The following GNAO1 variants were observed in gnomAD, a reference collection of about 807,000 sequenced individuals.
The protein encoded by GNAO1 is G protein subunit alpha o1, also known as guanine nucleotide-binding protein G(o) subunit alpha.
For missense variants in GNAO1, 166 were observed against 478.7 expected, an observed-to-expected ratio of 0.35 and a Z score of 6.10; for synonymous variants, 164 against 180.7, an observed-to-expected ratio of 0.91 and a Z score of 0.74.
chr16:56,338,221 G>A (rs1002713979), intron 6 of GNAO1, among the ~76,000 whole-genome samples: 4 of 152,278 alleles, frequency 2.6e-5, no homozygotes, highest in South Asian at 4.1e-4. Flanking sequence ...CCCGTTCCGT[G>A]TACAGGCTTA....
chr16:56,219,044 C>A (rs1243458117), intron 2 of GNAO1, among the ~76,000 whole-genome samples: 1 of 152,178 alleles, frequency 6.6e-6, no homozygotes, highest in Non-Finnish European at 1.5e-5. Flanking sequence ...ACACCCACCC[C>A]CCAACCCAGC....
At chr16:56,256,718 CTGTGTGTGTGTG>C (rs199786327) in intron 2 of GNAO1, among the ~76,000 whole-genome samples, 2,053 of 72,212 alleles carry the variant, frequency 0.028, 46 homozygotes, top group East Asian at 0.14. Flanking sequence ...CTCTCTCTCT[CTGTGTGTGTGTG>C]TGTGTGTGTG....
intron 3 of GNAO1, among the ~76,000 whole-genome samples, chr16:56,320,495 A>G (rs1650426312): frequency 6.6e-6 from 1 of 152,242 alleles, no homozygotes; most frequent in African/African-American, 2.4e-5. Flanking sequence ...CTAAAGCTGG[A>G]GCTCAGGTCT....
intron 3 of GNAO1, among the ~76,000 whole-genome samples, chr16:56,281,903 T>C (rs1350757332): frequency 1.2e-4 from 19 of 152,262 alleles, no homozygotes; most frequent in African/African-American, 4.1e-4. Context: ...CACATGTGTC[T>C]ATATAAACAT....
intron 2 of GNAO1, among the ~76,000 whole-genome samples, chr16:56,258,340 T>C (rs2036871713): frequency 1.3e-5 from 2 of 152,230 alleles, no homozygotes; most frequent in Non-Finnish European, 2.9e-5. Context: ...TGAGGATAAC[T>C]GGGTTATTCA....
rs2037952161 is a variant in GNAO1 at position 56,354,666 on chromosome 16, A to C, written c.878-200A>C. On this transcript the variant is annotated intron_variant, in intron 7 of 8. Coordinates refer to ENST00000262493, the MANE Select transcript of GNAO1 (RefSeq NM_020988.3). This position sits in a 1 kb window ranked among gnomAD's most constrained non-coding sequence, Gnocchi z 4.3. Reference sequence around the variant, plus strand: ...ACTCCAGCCTGGGCAATAAGAGCAAAACTCTGTCTCAAAAAAATAGTTCTT... The same window carrying C: ...ACTCCAGCCTGGGCAATAAGAGCAACACTCTGTCTCAAAAAAATAGTTCTT... Among the ~76,000 whole-genome samples, 1 of 152,152 alleles carries C rather than the reference A, an allele frequency of 6.6e-6. No homozygotes were observed. The highest frequency in any genetic ancestry group is 1.5e-5 in the Non-Finnish European group (1 of 68,028).
At chr16:56,320,375 C>T (rs2037558706) in intron 3 of GNAO1, among the ~76,000 whole-genome samples, 1 of 152,188 alleles carries the variant, frequency 6.6e-6, no homozygotes, top group South Asian at 2.1e-4. Flanking sequence ...AAGTGCCCTC[C>T]GTTTGCTCAC....
At chr16:56,298,671 A>C (rs2037311346) in intron 3 of GNAO1, among the ~76,000 whole-genome samples, 1 of 152,202 alleles carries the variant, frequency 6.6e-6, no homozygotes, top group East Asian at 1.9e-4. Context: ...CCAGCACTTT[A>C]GGAGGCCGAA....
intron 2 of GNAO1, among the ~76,000 whole-genome samples, chr16:56,254,941 C>T (rs1271760765): frequency 2.0e-5 from 3 of 152,164 alleles, no homozygotes; most frequent in Non-Finnish European, 4.4e-5. Flanking sequence ...AACTGTTCCT[C>T]CCTCCAAGAT....
intron 3 of GNAO1, among the ~76,000 whole-genome samples, chr16:56,319,944 G>A (rs553732179): frequency 6.6e-6 from 1 of 152,256 alleles, no homozygotes; most frequent in Admixed American, 6.5e-5. Flanking sequence ...CCCCAAAAGT[G>A]CCTCATCTCC....
intron 2 of GNAO1, among the ~76,000 whole-genome samples, chr16:56,226,979 C>T (rs2036537907): frequency 2.0e-5 from 3 of 152,226 alleles, no homozygotes; most frequent in Middle Eastern, 3.4e-3. Flanking sequence ...GCCTTTATAC[C>T]GGAGAAGTAA....
chr16:56,213,818 A>G (rs570509270), intron 2 of GNAO1, among the ~76,000 whole-genome samples: 3 of 150,188 alleles, frequency 2.0e-5, no homozygotes, highest in African/African-American at 7.5e-5. Context: ...AAGGAGGTTT[A>G]TATGTCTGGA....
At chr16:56,230,838 A>T (rs994847127) in intron 2 of GNAO1, among the ~76,000 whole-genome samples, 3 of 152,206 alleles carry the variant, frequency 2.0e-5, no homozygotes, top group Non-Finnish European at 4.4e-5. Flanking sequence ...GAAAAGGCTC[A>T]TAGAGACCAT....
intron 3 of GNAO1, among the ~76,000 whole-genome samples, chr16:56,313,970 TTC>T (rs111717400): frequency 0.16 from 24,426 of 152,080 alleles, 2,467 homozygotes; most frequent in African/African-American, 0.29. Flanking sequence ...CCCTTTCCTG[TTC>T]TGTTACATTA....
intron 2 of GNAO1, among the ~76,000 whole-genome samples, chr16:56,203,817 C>T (rs1361215956): frequency 6.6e-6 from 1 of 152,162 alleles, no homozygotes; most frequent in Admixed American, 6.5e-5. Context: ...ACATTCAGGA[C>T]ACCACCAGGG....
chr16:56,249,242 A>AT (rs1389094775), intron 2 of GNAO1, among the ~76,000 whole-genome samples: 1 of 152,138 alleles, frequency 6.6e-6, no homozygotes, highest in Non-Finnish European at 1.5e-5. Context: ...GATACATGGA[A>AT]TGGGGGGGAA....
intron 2 of GNAO1, among the ~76,000 whole-genome samples, chr16:56,204,325 T>C (rs1311685380): frequency 2.6e-5 from 4 of 152,050 alleles, no homozygotes; most frequent in South Asian, 2.1e-4. Context: ...GTTCTGGCAT[T>C]TAGAAGAGAG....
At position 56,269,028 on chromosome 16, in the gene GNAO1, T is replaced by C. The variant is rs139424886; in HGVS notation, c.162-6903T>C. On this transcript the variant is annotated intron_variant, in intron 2 of 8. Coordinates refer to ENST00000262493, the MANE Select transcript of GNAO1 (RefSeq NM_020988.3). ...AGATCTCCCTGACGGCTGGAAACCA[T>C]TGGTGCTGTGCATGGGAGTGAAGCA... is the stretch of plus-strand genomic sequence containing the variant. Among the ~76,000 whole-genome samples the C allele has an allele frequency of 1.3e-3, 203 of 152,242 alleles. 1 individual carries two copies. Among genetic ancestry groups the C allele is most frequent in the African/African-American group, 4.7e-3 (196 of 41,534 alleles).
intron 2 of GNAO1, among the ~76,000 whole-genome samples, chr16:56,221,879 G>C (rs898328116): frequency 6.6e-6 from 1 of 152,106 alleles, no homozygotes; most frequent in Non-Finnish European, 1.5e-5. Flanking sequence ...GGTTGGAGGG[G>C]AAACCAAGGC....
Sources: gnomAD v4.1 joint callset for allele counts (sites outside exome capture counted in the v4.1 genomes callset) on GRCh38, gnomAD v4.1.1 for gene constraint, Gnocchi (gnomAD v3.1) non-coding constraint, MANE v1.5 for transcripts, NCBI Gene and HGNC (gene_info 2026-07-23, HGNC 2026-07-21) for gene names.